Variants in RHOA observed in about 807,000 individuals in gnomAD.
The protein encoded by RHOA is transforming protein RhoA.
Under a neutral mutation model 17.5 loss-of-function variants are expected in RHOA, and 3 were observed. That is an observed-to-expected ratio of 0.17 (90% CI 0.08 to 0.44). RHOA has a LOEUF of 0.44. Among genes scored for constraint, RHOA ranks in the 20% least tolerant of loss-of-function variants. The pLI, the probability that RHOA is intolerant of heterozygous loss-of-function variation, is 0.99. For missense variants in RHOA, 56 were observed against 242.3 expected (o/e 0.23, Z 5.10); for synonymous variants, 98 against 88.4 (o/e 1.11, Z -0.61).
At chr3:49,360,435 G>A (rs2047945873) in intron 4 of RHOA, 53 bp from the exon 5 acceptor site, 4 of 1,519,260 alleles carry the variant, frequency 2.6e-6, no homozygotes, top group Non-Finnish European at 3.5e-6. Flanking sequence ...CATACATATA[G>A]TAAGTAAAAA....
intron 3 of RHOA, chr3:49,365,011 C>T (rs1041934791): frequency 1.3e-5 from 2 of 152,110 alleles, no homozygotes; most frequent in African/African-American, 2.4e-5. Flanking sequence ...AAACAGCATA[C>T]AACCATGACC....
chr3:49,369,458 C>T (rs979832273), intron 2 of RHOA, among the ~76,000 whole-genome samples: 10 of 151,532 alleles, frequency 6.6e-5, no homozygotes, highest in African/African-American at 1.5e-4. Flanking sequence ...TGTGGCCAGG[C>T]GCGGTGGCTC....
At chr3:49,383,953 C>T (rs1188686997) in intron 1 of RHOA, among the ~76,000 whole-genome samples, 1 of 152,084 alleles carries the variant, frequency 6.6e-6, no homozygotes, top group Non-Finnish European at 1.5e-5. Flanking sequence ...TCACTTGAAC[C>T]TGGGAGGTGG....
chr3:49,372,872 C>T (rs1056068602), intron 2 of RHOA, among the ~76,000 whole-genome samples: 4 of 151,924 alleles, frequency 2.6e-5, no homozygotes, highest in Admixed American at 6.6e-5. Context: ...CTATAAAAAC[C>T]GTTTTACAAA....
At chr3:49,376,752 G>A (rs1443323920) in intron 1 of RHOA, among the ~76,000 whole-genome samples, 38 of 151,984 alleles carry the variant, frequency 2.5e-4, no homozygotes, top group Non-Finnish European at 2.9e-5. Context: ...AAAAGTCATC[G>A]GCAGGTTGTT....
At chr3:49,397,995 T>C (rs1310211338) in intron 1 of RHOA, among the ~76,000 whole-genome samples, 1 of 152,188 alleles carries the variant, frequency 6.6e-6, no homozygotes, top group African/African-American at 2.4e-5. Flanking sequence ...CAAGGGTCCA[T>C]GAGTTCAAAG....
At chr3:49,383,237 T>A (rs1009594803) in intron 1 of RHOA, among the ~76,000 whole-genome samples, 9 of 151,392 alleles carry the variant, frequency 5.9e-5, no homozygotes, top group African/African-American at 2.2e-4. Context: ...ATCGAGACCA[T>A]CCCGGCTAAC....
chr3:49,405,189 C>T (rs1473892569), intron 1 of RHOA, among the ~76,000 whole-genome samples: 1 of 141,002 alleles, frequency 7.1e-6, no homozygotes. Context: ...ACTCGGAGGG[C>T]GGAGGTTGCA....
intron 1 of RHOA, among the ~76,000 whole-genome samples, chr3:49,379,853 G>T (rs1362752823): frequency 2.0e-5 from 3 of 152,214 alleles, no homozygotes; most frequent in Non-Finnish European, 2.9e-5. Context: ...AAGGTGAATT[G>T]TAAGATATGT....
At position 49,360,166 on chromosome 3, in the gene RHOA, A is replaced by T; in HGVS notation, c.*43T>A. On this transcript the variant is annotated 3_prime_UTR_variant, in exon 5 of 5. Coordinates refer to ENST00000418115, the MANE Select transcript of RHOA (RefSeq NM_001664.4). ...TCATACACTAAGATTAATAAACAGC[A>T]CTTCAAAATTAACCGCATAAGGGCT... 1.9e-6 allele frequency: 3 copies of T among 1,562,310 alleles called. No individual in the cohort carries two copies. The highest frequency in any genetic ancestry group is 2.6e-6 in the Non-Finnish European group (3 of 1,152,646).
At chr3:49,375,412 T>C (rs372593991) in intron 2 of RHOA, 22 bp downstream of exon 2, 1 of 1,590,950 alleles carries the variant, frequency 6.3e-7, no homozygotes, top group African/African-American at 1.4e-5. Context: ...ATGGCATCAG[T>C]TGTTATGAAA....
At chr3:49,371,931 T>C (rs1431486126) in intron 2 of RHOA, among the ~76,000 whole-genome samples, 5 of 152,174 alleles carry the variant, frequency 3.3e-5, no homozygotes, top group African/African-American at 1.2e-4. Flanking sequence ...CTGCCACAGA[T>C]GGAAAAGACC....
intron 1 of RHOA, among the ~76,000 whole-genome samples, chr3:49,377,474 TCA>T (rs767963428): frequency 2.6e-5 from 4 of 151,852 alleles, no homozygotes; most frequent in Admixed American, 6.6e-5. Flanking sequence ...TGCATGCTAA[TCA>T]CAGTTACTTG....
At chr3:49,372,147 A>G (rs1174177384) in intron 2 of RHOA, among the ~76,000 whole-genome samples, 1 of 152,166 alleles carries the variant, frequency 6.6e-6, no homozygotes, top group African/African-American at 2.4e-5. Context: ...ATAACTTGAC[A>G]CCAATCCTGA....
At chr3:49,378,170 TAAAAAAAAAA>T (rs71627382) in intron 1 of RHOA, among the ~76,000 whole-genome samples, 1 of 90,476 alleles carries the variant, frequency 1.1e-5, no homozygotes, top group East Asian at 4.4e-4. Context: ...AACTGTGTCT[TAAAAAAAAAA>T]AAAAAAAAAA....
chr3:49,368,381 A>T (rs1278939520), intron 3 of RHOA, 47 bp downstream of exon 3: 1 of 1,587,964 alleles, frequency 6.3e-7, no homozygotes. Flanking sequence ...CCAGATGCCA[A>T]CTAGCTACAC....
Position 49,369,006 on chromosome 3 carries a change from CTTTTTTTTTT to C in RHOA, c.157-468_157-459del, listed in dbSNP as rs1160140765. 2.0e-4 allele frequency among the ~76,000 whole-genome samples: 12 copies of C among 59,702 alleles called. No homozygotes were observed. The South Asian group carries it at 3.7e-3, about 18-fold the overall frequency. 39.2% of individuals were successfully genotyped at this position (59,702 alleles called of 152,430 possible). ...GCAGGCGTGACCCACCGCGCCTGGCCTTTTTTTTTTTTTTTTTTTTTTTTTTTTTTTTTGT... is the reference window on the plus strand; with the variant it reads ...GCAGGCGTGACCCACCGCGCCTGGCCTTTTTTTTTTTTTTTTTTTTTTTGT... On this transcript the variant is annotated intron_variant, in intron 2 of 4. Transcript: ENST00000418115.
chr3:49,375,446 C>T lies in RHOA; in HGVS notation c.144G>A (p.Val48=), dbSNP rs770937290. ...AAAGTATACTCACCTGCTTTCCATC[C>T]ACCTCGATATCTGCCACATAGTTCT... is the stretch of plus-strand genomic sequence containing the variant. ...VFENYVADIE[V]DGKQVELALW... The change falls in exon 2 of 5, where the codon GTG becomes GTA. Residue 48 remains valine, a synonymous_variant. Transcript: ENST00000418115. The T allele has an allele frequency of 9.3e-6, 15 of 1,609,740 alleles. No individual in the cohort carries two copies. In the South Asian group the frequency reaches 1.1e-4, roughly 12 times the overall value.
At chr3:49,375,404 G>A (rs2048210584) in intron 2 of RHOA, 30 bp downstream of exon 2, 2 of 1,580,346 alleles carry the variant, frequency 1.3e-6, no homozygotes, top group African/African-American at 1.4e-5. Context: ...CATGGAAAAT[G>A]GCATCAGTTG....
Sources: allele counts gnomAD v4.1 joint callset (sites outside exome capture counted in the v4.1 genomes callset), GRCh38; gene constraint gnomAD v4.1.1; transcripts MANE v1.5; gene names NCBI Gene and HGNC (gene_info 2026-07-23, HGNC 2026-07-21).